The following NAV2 variants were observed in gnomAD, a reference collection of about 807,000 sequenced individuals.
NAV2 encodes the protein helicase, APC down-regulated 1.
A neutral mutation model predicts 223.2 loss-of-function variants in NAV2; 54 were observed. The observed-to-expected ratio is 0.24, with a 90% CI of 0.19 to 0.30. The LOEUF is 0.30. Ranked by LOEUF, NAV2 falls within the 10% of genes least tolerant of loss-of-function variation. The probability of loss-of-function intolerance (pLI) is 1.00; values close to 1 mark genes in which losing one functional copy is unlikely to be tolerated. For synonymous variants in NAV2, 1,279 were observed against 1,239.3 expected, an observed-to-expected ratio of 1.03 and a Z score of -0.67; for missense variants, 2,806 against 3,147.5, an observed-to-expected ratio of 0.89 and a Z score of 2.60.
intron 6 of NAV2, among the ~76,000 whole-genome samples, chr11:19,930,712 A>G (rs1331006903): frequency 6.6e-6 from 1 of 152,226 alleles, no homozygotes; most frequent in Non-Finnish European, 1.5e-5. Flanking sequence ...GAATGAATAT[A>G]CTGAATGAAT....
chr11:19,718,139 T>G lies in NAV2; in HGVS notation c.267+4177T>G, dbSNP rs370028484. On this transcript the variant is annotated intron_variant, in intron 1 of 37. Transcript: ENST00000349880. ...TACCTTCCTGGGACTGAGATACCTG[T>G]GCCTTCCCCCAAGTATGAACATTTA... 1.5e-4 allele frequency among the ~76,000 whole-genome samples: 23 copies of G among 149,422 alleles called. No homozygotes were observed. In the East Asian group the frequency reaches 3.7e-3, roughly 24 times the overall value.
chr11:19,992,078 T>G (rs934097599), intron 11 of NAV2, among the ~76,000 whole-genome samples: 17 of 152,252 alleles, frequency 1.1e-4, no homozygotes, highest in Non-Finnish European at 2.2e-4. Context: ...CTTCACTGGT[T>G]TCTTTCCATC....
At chr11:19,558,604 C>T (rs572397599) in intron 1 of NAV2, among the ~76,000 whole-genome samples, 1 of 152,320 alleles carries the variant, frequency 6.6e-6, no homozygotes, top group Non-Finnish European at 1.5e-5. Context: ...TGGCAGCAGG[C>T]TAGGCAGAAA....
intron 1 of NAV2, among the ~76,000 whole-genome samples, chr11:19,730,661 G>A (rs1226098333): frequency 2.0e-5 from 3 of 152,224 alleles, no homozygotes; most frequent in African/African-American, 7.2e-5. Flanking sequence ...AAGGCAGCGT[G>A]AACCCAGTTC....
intron 6 of NAV2, among the ~76,000 whole-genome samples, chr11:19,914,625 A>G (rs2043630116): frequency 1.3e-5 from 2 of 151,710 alleles, no homozygotes; most frequent in South Asian, 4.2e-4. Context: ...GCTCACTGCA[A>G]GCTCCGCTTC....
At chr11:19,910,259 A>T (rs1344798827) in intron 6 of NAV2, among the ~76,000 whole-genome samples, 3 of 152,236 alleles carry the variant, frequency 2.0e-5, no homozygotes, top group African/African-American at 7.2e-5. Flanking sequence ...ATGCTATCAT[A>T]CAAGCTAGTT....
intron 11 of NAV2, among the ~76,000 whole-genome samples, chr11:19,988,703 G>T (rs185652950): frequency 3.3e-5 from 5 of 152,264 alleles, no homozygotes; most frequent in Admixed American, 2.6e-4. Context: ...AGCTTGAATT[G>T]GGAGGCCTCT....
At chr11:19,989,278 G>A (rs2051100332) in intron 11 of NAV2, among the ~76,000 whole-genome samples, 2 of 152,318 alleles carry the variant, frequency 1.3e-5, no homozygotes, top group Admixed American at 6.5e-5. Context: ...GAGGCCAAGA[G>A]GAGGAGGTCA....
At chr11:19,570,132 C>T (rs1187226363) in intron 1 of NAV2, among the ~76,000 whole-genome samples, 1 of 152,088 alleles carries the variant, frequency 6.6e-6, no homozygotes, top group Admixed American at 6.5e-5. Flanking sequence ...GGATAATGGG[C>T]AACAGGAGGC....
At chr11:19,724,286 A>G (rs981868517) in intron 1 of NAV2, among the ~76,000 whole-genome samples, 7 of 152,212 alleles carry the variant, frequency 4.6e-5, no homozygotes, top group Non-Finnish European at 1.0e-4. Flanking sequence ...GAAAGGCCTG[A>G]TAGCTTAAAG....
intron 1 of NAV2, among the ~76,000 whole-genome samples, chr11:19,798,028 A>G (rs907801407): frequency 6.6e-6 from 1 of 152,122 alleles, no homozygotes; most frequent in African/African-American, 2.4e-5. Context: ...CCTAGTGGCC[A>G]TGGTGTGATT....
intron 1 of NAV2, among the ~76,000 whole-genome samples, chr11:19,746,246 G>A (rs1346701938): frequency 6.6e-6 from 1 of 152,192 alleles, no homozygotes; most frequent in Non-Finnish European, 1.5e-5. Flanking sequence ...CAGAAGACAT[G>A]CTGACAGTGT....
chr11:19,817,491 G>A (rs534813376), intron 1 of NAV2, among the ~76,000 whole-genome samples: 1 of 152,294 alleles, frequency 6.6e-6, no homozygotes, highest in South Asian at 2.1e-4. Flanking sequence ...GGGAATGGGG[G>A]AACACCTGGA....
intron 32 of NAV2, 109 bp downstream of exon 32, chr11:20,101,281 G>A: frequency 1.1e-6 from 1 of 878,358 alleles, no homozygotes; most frequent in South Asian, 1.8e-5. Flanking sequence ...TCCTTGGGTG[G>A]TTTTAGAAAG....
At chr11:19,648,740 A>G (rs888758904) in intron 1 of NAV2, among the ~76,000 whole-genome samples, 52 of 152,230 alleles carry the variant, frequency 3.4e-4, no homozygotes, top group Admixed American at 1.3e-3. Flanking sequence ...TGTCAAACAT[A>G]TATCTGTCCT....
chr11:19,680,342 G>A (rs1414815816), intron 1 of NAV2, among the ~76,000 whole-genome samples: 4 of 152,224 alleles, frequency 2.6e-5, no homozygotes, highest in Non-Finnish European at 4.4e-5. Flanking sequence ...AAGTGACTAA[G>A]GCTGTCGCCT....
chr11:19,994,139 G>A lies in NAV2; in HGVS notation c.2768+9892G>A, dbSNP rs974484575. On this transcript the variant is annotated intron_variant, in intron 11 of 37. Transcript: ENST00000349880. Reference sequence around the variant, plus strand: ...CAGGAAATTTCCTTTTCCTGCCAGTGATGATGTGAAAGATCCTTTAGAAAC... The same window carrying A: ...CAGGAAATTTCCTTTTCCTGCCAGTAATGATGTGAAAGATCCTTTAGAAAC... Among the ~76,000 whole-genome samples, 4 of 152,342 alleles carry A rather than the reference G, an allele frequency of 2.6e-5. No individual in the cohort carries two copies. The East Asian group carries it at 7.7e-4, about 29-fold the overall frequency.
At chr11:19,892,700 G>A (rs1591101920) in intron 6 of NAV2, 106 bp downstream of exon 6, 5 of 1,231,294 alleles carry the variant, frequency 4.1e-6, no homozygotes, top group East Asian at 2.6e-5. Context: ...TTGCATCTGT[G>A]TTGAGAATGA....
intron 30 of NAV2, 140 bp downstream of exon 30, chr11:20,095,907 T>A: frequency 1.4e-6 from 1 of 700,428 alleles, no homozygotes. Flanking sequence ...TTGCTGGAAC[T>A]TGTTCCCTGG....
Sources: gnomAD v4.1 joint callset for allele counts (sites outside exome capture counted in the v4.1 genomes callset) on GRCh38, gnomAD v4.1.1 for gene constraint, MANE v1.5 for transcripts, NCBI Gene and HGNC (gene_info 2026-07-23, HGNC 2026-07-21) for gene names.